The following PDE8B variants were observed in gnomAD, a reference collection of about 807,000 sequenced individuals.
PDE8B encodes phosphodiesterase 8B, also known as high affinity cAMP-specific and IBMX-insensitive 3',5'-cyclic phosphodiesterase 8B.
PDE8B carries 26 observed loss-of-function variants against 101.3 expected under a neutral mutation model. That is an observed-to-expected ratio of 0.26 (90% CI 0.19 to 0.36). PDE8B has a LOEUF of 0.36. Among genes scored for constraint, PDE8B ranks in the 10% least tolerant of loss-of-function variants. The pLI, the probability that PDE8B is intolerant of heterozygous loss-of-function variation, is 1.00. For synonymous variants in PDE8B, 424 were observed against 429.3 expected (o/e 0.99, Z 0.15); for missense variants, 810 against 1,163.1 (o/e 0.70, Z 4.42).
chr5:77,216,672 C>T (rs1749813712), intron 1 of PDE8B, among the ~76,000 whole-genome samples: 1 of 152,170 alleles, frequency 6.6e-6, no homozygotes, highest in African/African-American at 2.4e-5. Flanking sequence ...AGAAACCAAA[C>T]CTGTAAGTCA....
At chr5:77,404,893 T>C in intron 12 of PDE8B, 96 bp downstream of exon 12, 1 of 776,038 alleles carries the variant, frequency 1.3e-6, no homozygotes, top group South Asian at 1.4e-5. Context: ...CTCCAAAGAG[T>C]AAGAGTTCAA....
intron 1 of PDE8B, among the ~76,000 whole-genome samples, chr5:77,262,475 A>G (rs1158609548): frequency 4.6e-5 from 7 of 152,252 alleles, no homozygotes; most frequent in African/African-American, 1.4e-4. Flanking sequence ...TGCTGGAGAC[A>G]AAATGCTGGT....
the PDE8B span, chr5:77,118,454 T>C: frequency 2.5e-6 from 1 of 398,364 alleles, no homozygotes; most frequent in Non-Finnish European, 4.4e-6. Context: ...CAGAGTACTC[T>C]GGGTGAGGAG....
intron 3 of PDE8B, among the ~76,000 whole-genome samples, chr5:77,326,067 G>C (rs1470815156): frequency 6.6e-6 from 1 of 152,112 alleles, no homozygotes; most frequent in Non-Finnish European, 1.5e-5. Context: ...ATTTAAACTA[G>C]CTATTTTAAT....
intron 3 of PDE8B, 151 bp from the exon 4 acceptor site, chr5:77,328,847 C>T: frequency 1.4e-6 from 1 of 715,858 alleles, no homozygotes; most frequent in East Asian, 2.7e-5. Context: ...TCCACAAGGG[C>T]ATCTTTCTTT....
At chr5:77,209,610 C>A (rs1172900845), upstream of PDE8B, among the ~76,000 whole-genome samples, 1 of 152,178 alleles carries the variant, frequency 6.6e-6, no homozygotes, top group African/African-American at 2.4e-5. Context: ...TGAACAGCAG[C>A]CATCCTTCTA....
intron 4 of PDE8B, among the ~76,000 whole-genome samples, chr5:77,330,800 C>T (rs996958030): frequency 1.3e-5 from 2 of 152,212 alleles, no homozygotes; most frequent in African/African-American, 2.4e-5. Context: ...ATCCACATCC[C>T]ACCTTGTACT....
At chr5:77,410,835 T>A (rs560506693) in intron 14 of PDE8B, 8 of 152,072 alleles carry the variant, frequency 5.3e-5, no homozygotes, top group South Asian at 2.1e-4. Flanking sequence ...TCTTTTTTTT[T>A]AAATTTAATT....
At chr5:77,214,574 A>T (rs535401264) in intron 1 of PDE8B, among the ~76,000 whole-genome samples, 1 of 152,314 alleles carries the variant, frequency 6.6e-6, no homozygotes. Flanking sequence ...GTTCCATAGC[A>T]CTCCAGAATT....
At chr5:77,424,728 A>C (rs541674562) in intron 20 of PDE8B, among the ~76,000 whole-genome samples, 2 of 152,308 alleles carry the variant, frequency 1.3e-5, no homozygotes, top group East Asian at 3.9e-4. Flanking sequence ...TATTACAGAG[A>C]CATGTACTTC....
chr5:77,091,315 C>T, the PDE8B span, among the ~76,000 whole-genome samples: 9 of 152,080 alleles, frequency 5.9e-5, no homozygotes, highest in African/African-American at 1.9e-4. Flanking sequence ...ACAAATATTT[C>T]GTATCAATAA....
In PDE8B at chr5:77,412,378, A is replaced by C. The variant is rs1794735446; in HGVS notation, c.1712+143A>C. On this transcript the variant is annotated intron_variant, in intron 16 of 21. Transcript: ENST00000264917. ...CTCATGCCATGTTAGAGTAGTGTTG[A>C]ATGAGCAGAGAGACTATGGCCCCTG... 5 of 798,808 alleles carry C rather than the reference A, an allele frequency of 6.3e-6. No individual in the cohort carries two copies. In the East Asian group the frequency reaches 1.3e-4, roughly 21 times the overall value. 49.5% of individuals were successfully genotyped at this position (798,808 alleles called of 1,614,324 possible). A position where few individuals can be genotyped will look rare whatever the true frequency, so the allele number is the denominator to read the frequency against.
chr5:77,338,442 A>T (rs1324478845), intron 6 of PDE8B, among the ~76,000 whole-genome samples: 4 of 152,206 alleles, frequency 2.6e-5, no homozygotes, highest in African/African-American at 9.7e-5. Flanking sequence ...AAGTATTAAA[A>T]AAAGAATCTC....
At chr5:77,121,575 T>C in the PDE8B span, among the ~76,000 whole-genome samples, 1 of 151,566 alleles carries the variant, frequency 6.6e-6, no homozygotes, top group East Asian at 1.9e-4. Flanking sequence ...TGGCACAATC[T>C]TGGCTCACTG....
chr5:77,144,638 T>C, the PDE8B span: 78,292 of 151,516 alleles, frequency 0.52, 22,160 homozygotes, highest in East Asian at 0.88. Flanking sequence ...ATGAAACTTT[T>C]TGGAGAGAGA....
intron 1 of PDE8B, among the ~76,000 whole-genome samples, chr5:77,283,876 T>C (rs1765500329): frequency 6.6e-6 from 1 of 152,226 alleles, no homozygotes; most frequent in Non-Finnish European, 1.5e-5. Flanking sequence ...CTGGATTATA[T>C]GGAAAGAGTA....
chr5:77,330,513 A>G (rs913869098), intron 4 of PDE8B, among the ~76,000 whole-genome samples: 2 of 152,214 alleles, frequency 1.3e-5, no homozygotes, highest in African/African-American at 4.8e-5. Flanking sequence ...CCTTCCTAAC[A>G]GTCAGAGAAG....
chr5:77,164,521 A>T, the PDE8B span, among the ~76,000 whole-genome samples: 6 of 152,330 alleles, frequency 3.9e-5, no homozygotes, highest in Admixed American at 3.9e-4. Context: ...TACTCAACTC[A>T]TTCAGCATAT....
chr5:77,136,692 G>A, the PDE8B span, among the ~76,000 whole-genome samples: 2 of 152,150 alleles, frequency 1.3e-5, no homozygotes, highest in African/African-American at 4.8e-5. Context: ...GAGAATTGAT[G>A]TCTGGAGAGA....
Sources: gnomAD v4.1 joint callset for allele counts (sites outside exome capture counted in the v4.1 genomes callset) on GRCh38, gnomAD v4.1.1 for gene constraint, MANE v1.5 for transcripts, NCBI Gene and HGNC (gene_info 2026-07-23, HGNC 2026-07-21) for gene names.